SPRED2: variants seen among roughly 807,000 people sequenced by gnomAD.
SPRED2 encodes the protein sprouty-related, EVH1 domain-containing protein 2.
Under a neutral mutation model 43.0 loss-of-function variants are expected in SPRED2, and 47 were observed. The ratio of observed to expected loss-of-function variants is 1.09; its 90% CI spans 0.87 to 1.40. The LOEUF (loss-of-function observed/expected upper bound fraction) is 1.40, where lower values mean the gene tolerates loss of function less well. SPRED2 is among the 40% of genes most tolerant of loss of function. The probability of loss-of-function intolerance (pLI) is 0.00; values close to 1 mark genes in which losing one functional copy is unlikely to be tolerated. For synonymous variants in SPRED2, 225 were observed against 225.7 expected (o/e 1.00, Z 0.03); for missense variants, 561 against 586.4 (o/e 0.96, Z 0.45).
Position 65,313,882 on chromosome 2 carries a change from G to A in SPRED2, c.876C>T (p.Pro292=). The A allele has an allele frequency of 6.2e-7, 1 of 1,610,474 alleles. No homozygotes were observed. The highest frequency in any genetic ancestry group is 8.5e-7 in the Non-Finnish European group (1 of 1,179,842). The part of the protein sequence containing the change: ...GRGGSVIKTQ[P]SRGKSRRRKE... ...TCCGCCGCCGCGACTTGCCCCGGGAGGGCTGCGTCTTGATCACGCTGCCCC... is the reference window on the plus strand; with the variant it reads ...TCCGCCGCCGCGACTTGCCCCGGGAAGGCTGCGTCTTGATCACGCTGCCCC... Residue 292 remains proline (P), a synonymous_variant, in exon 6 of 6, where the codon CCC becomes CCT. Coordinates refer to ENST00000356388, the MANE Select transcript of SPRED2 (RefSeq NM_181784.3).
chr2:65,320,780 C>T (rs775144870), intron 4 of SPRED2, among the ~76,000 whole-genome samples: 5 of 152,134 alleles, frequency 3.3e-5, no homozygotes, highest in South Asian at 4.1e-4. Context: ...AATGTACTAC[C>T]AGGGCATCTC....
intron 1 of SPRED2, among the ~76,000 whole-genome samples, chr2:65,356,536 C>CTTTTTTTTTTTTTT (rs1274369940): frequency 2.1e-4 from 13 of 60,572 alleles, no homozygotes; most frequent in Middle Eastern, 0.012. Context: ...CCAGTTCCCT[C>CTTTTTTTTTTTTTT]TTTTTTTTTT....
intron 1 of SPRED2, among the ~76,000 whole-genome samples, chr2:65,363,367 G>T (rs1674882541): frequency 6.6e-6 from 1 of 152,036 alleles, no homozygotes; most frequent in Non-Finnish European, 1.5e-5. Context: ...GTACCCGGAA[G>T]AATGTTCAGG....
chr2:65,344,723 T>G lies in SPRED2; in HGVS notation c.200A>C (p.Lys67Thr), dbSNP rs1389250324. 2 of 1,613,960 alleles carry G rather than the reference T, an allele frequency of 1.2e-6. No homozygotes were observed. The highest frequency in any genetic ancestry group is 1.7e-6 in the Non-Finnish European group (2 of 1,179,812). Residue 67 changes from lysine (K) to threonine (T), a missense_variant, in exon 2 of 6, where the codon AAA becomes ACA. By Grantham distance (78) the Lys-to-Thr change is moderately conservative. Coordinates refer to ENST00000356388, the MANE Select transcript of SPRED2 (RefSeq NM_181784.3). ...GAGTTGTATGTCTGCCATTACCAGTTTGTCTTTCTGTCGTTCACCATGGAT... is the reference window on the plus strand; with the variant it reads ...GAGTTGTATGTCTGCCATTACCAGTGTGTCTTTCTGTCGTTCACCATGGAT... ...FLIHGERQKD[K>T]LVVLECYVRK...
At chr2:65,404,227 G>GAA (rs1489888669) in intron 1 of SPRED2, among the ~76,000 whole-genome samples, 1 of 150,866 alleles carries the variant, frequency 6.6e-6, no homozygotes, top group Non-Finnish European at 1.5e-5. Context: ...AAGAAAGAAA[G>GAA]AAAAAGAAGA....
rs1359867817 is a variant in SPRED2, at chr2:65,432,498, T to C, written c.-511A>G. 2 of 155,346 alleles carry C rather than the reference T, an allele frequency of 1.3e-5. No individual in the cohort carries two copies. Among genetic ancestry groups the C allele is most frequent in the African/African-American group, 4.8e-5 (2 of 41,406 alleles). 9.6% of individuals were successfully genotyped at this position (155,346 alleles called of 1,614,324 possible). On this transcript the variant is annotated 5_prime_UTR_variant, in exon 1 of 6. Coordinates refer to ENST00000356388, the MANE Select transcript of SPRED2 (RefSeq NM_181784.3). ...CCCCGTCCGAGCCCCATCTCTCGAC[T>C]CCACCGATTTACTCCATATTGGATT...
In SPRED2 at chr2:65,401,937, G is replaced by GCGTGCACACACA. The variant is rs776512353; in HGVS notation, c.26+30024_26+30025insTGTGTGTGCACG. Among the ~76,000 whole-genome samples the GCGTGCACACACA allele has an allele frequency of 1.7e-5, 2 of 114,714 alleles. 1 individual carries two copies. The highest frequency in any genetic ancestry group is 5.2e-4 in the South Asian group (2 of 3,832). The allele number at this position is 114,714 out of a possible 152,430, so 75.3% of individuals were successfully genotyped here. ...ACGATCAGAATATTAGCGCGCGCGC[G>GCGTGCACACACA]CACACACACACACACACACACACAC... On this transcript the variant is annotated intron_variant, in intron 1 of 5. Coordinates refer to ENST00000356388, the MANE Select transcript of SPRED2 (RefSeq NM_181784.3).
At chr2:65,387,287 A>G (rs972430944) in intron 1 of SPRED2, among the ~76,000 whole-genome samples, 1 of 152,320 alleles carries the variant, frequency 6.6e-6, no homozygotes, top group East Asian at 1.9e-4. Context: ...CCGCTCTCGC[A>G]CTTTCTCTTT....
In SPRED2 at chr2:65,388,140, C is replaced by T. The variant is rs139735575; in HGVS notation, c.27-43244G>A. Among the ~76,000 whole-genome samples, 35 of 152,354 alleles carry T rather than the reference C, an allele frequency of 2.3e-4. 1 individual carries two copies. The East Asian group carries it at 6.7e-3, about 29-fold the overall frequency. The stretch of plus-strand genomic sequence containing the variant: ...GATGCAGCCATGCAGCTCGCGTCTT[C>T]AGCTTCAGCACATCACACAGCCGCA... On this transcript the variant is annotated intron_variant, in intron 1 of 5. Transcript: ENST00000356388.
chr2:65,426,946 C>A (rs559978552), intron 1 of SPRED2, among the ~76,000 whole-genome samples: 1 of 152,342 alleles, frequency 6.6e-6, no homozygotes, highest in African/African-American at 2.4e-5. Flanking sequence ...GAGCTTAGTC[C>A]ACTCCAGGTC....
intron 1 of SPRED2, among the ~76,000 whole-genome samples, chr2:65,413,996 C>G (rs1400896460): frequency 6.6e-6 from 1 of 152,140 alleles, no homozygotes; most frequent in Non-Finnish European, 1.5e-5. Flanking sequence ...ACAAAAAACT[C>G]TAAGTTGTTA....
chr2:65,401,937 G>GCACGCACACACA (rs1553426623), intron 1 of SPRED2, among the ~76,000 whole-genome samples: 5 of 114,714 alleles, frequency 4.4e-5, no homozygotes, highest in African/African-American at 1.7e-4. Context: ...GCGCGCGCGC[G>GCACGCACACACA]CACACACACA....
intron 1 of SPRED2, among the ~76,000 whole-genome samples, chr2:65,374,298 G>A (rs1339121197): frequency 6.6e-6 from 1 of 152,184 alleles, no homozygotes; most frequent in African/African-American, 2.4e-5. Flanking sequence ...CTGGACTTCA[G>A]AAATACCTAG....
At chr2:65,341,104 CGT>C (rs60332643) in intron 2 of SPRED2, among the ~76,000 whole-genome samples, 56,477 of 136,750 alleles carry the variant, frequency 0.41, 11,572 homozygotes, top group Non-Finnish European at 0.43. Context: ...TGGGTACGGG[CGT>C]GTGTGTGTGT....
At chr2:65,420,272 G>T (rs1376879066) in intron 1 of SPRED2, among the ~76,000 whole-genome samples, 4 of 151,796 alleles carry the variant, frequency 2.6e-5, no homozygotes, top group African/African-American at 9.7e-5. Flanking sequence ...CAACTGGAGG[G>T]TCTATAGTTT....
chr2:65,364,550 T>C (rs891153144), intron 1 of SPRED2, among the ~76,000 whole-genome samples: 3 of 152,072 alleles, frequency 2.0e-5, no homozygotes, highest in Non-Finnish European at 4.4e-5. Flanking sequence ...ACCCTAGGAG[T>C]GATTATCATT....
intron 1 of SPRED2, among the ~76,000 whole-genome samples, chr2:65,431,486 G>A (rs1676691851): frequency 6.6e-6 from 1 of 152,164 alleles, no homozygotes; most frequent in South Asian, 2.1e-4. Context: ...ATGCAAATGA[G>A]AGCGATTCAA....
intron 1 of SPRED2, among the ~76,000 whole-genome samples, chr2:65,411,868 C>T (rs945368586): frequency 5.3e-5 from 8 of 152,122 alleles, no homozygotes; most frequent in African/African-American, 1.9e-4. Context: ...GTGGCTCACG[C>T]CTGTAATCCC....
At chr2:65,351,623 C>G (rs1444002000) in intron 1 of SPRED2, among the ~76,000 whole-genome samples, 1 of 152,206 alleles carries the variant, frequency 6.6e-6, no homozygotes, top group Non-Finnish European at 1.5e-5. Context: ...CGCCCCCGGT[C>G]TTCCTTGTGC....
Sources: allele counts gnomAD v4.1 joint callset (sites outside exome capture counted in the v4.1 genomes callset), GRCh38; gene constraint gnomAD v4.1.1; transcripts MANE v1.5; gene names NCBI Gene and HGNC (gene_info 2026-07-23, HGNC 2026-07-21).